Variants in MATN2 observed in about 807,000 individuals in gnomAD.
MATN2 encodes the protein matrilin 2.
In MATN2, 69 loss-of-function variants were observed where a neutral mutation model predicts 103.2. That is an observed-to-expected ratio of 0.67 (90% confidence interval 0.55 to 0.82). The LOEUF (loss-of-function observed/expected upper bound fraction) is 0.82, where lower values mean the gene tolerates loss of function less well. Among genes scored for constraint, MATN2 ranks in the 40% least tolerant of loss-of-function variants. MATN2 has a pLI of 0.00. For missense variants in MATN2, 1,023 were observed against 1,211.5 expected, an observed-to-expected ratio of 0.84 and a Z score of 2.31; for synonymous variants, 429 against 450.2, an observed-to-expected ratio of 0.95 and a Z score of 0.60.
intron 2 of MATN2, among the ~76,000 whole-genome samples, chr8:97,888,660 A>G (rs7835518): frequency 0.84 from 127,614 of 152,074 alleles, 54,436 homozygotes; most frequent in Non-Finnish European, 0.93. Flanking sequence ...GACATTGTGA[A>G]CTGAATCGAG....
chr8:97,915,733 C>T (rs1269532365), intron 2 of MATN2, among the ~76,000 whole-genome samples: 1 of 152,202 alleles, frequency 6.6e-6, no homozygotes, highest in Non-Finnish European at 1.5e-5. Context: ...AGTTAAAGTG[C>T]CCCTGTGGGT....
At chr8:97,965,189 A>G (rs966951167) in intron 5 of MATN2, among the ~76,000 whole-genome samples, 1 of 152,210 alleles carries the variant, frequency 6.6e-6, no homozygotes, top group East Asian at 1.9e-4. Flanking sequence ...TCCTGTATAC[A>G]TGAAGTAGGA....
chr8:97,940,152 A>C (rs1810505883), intron 3 of MATN2, among the ~76,000 whole-genome samples: 1 of 152,220 alleles, frequency 6.6e-6, no homozygotes, highest in African/African-American at 2.4e-5. Flanking sequence ...AGAAAATTGC[A>C]CAAAGGGCTG....
At chr8:97,988,286 A>C (rs1812274734) in intron 6 of MATN2, among the ~76,000 whole-genome samples, 1 of 150,746 alleles carries the variant, frequency 6.6e-6, no homozygotes, top group Non-Finnish European at 1.5e-5. Flanking sequence ...AACTTAGATG[A>C]AATGGACAAA....
chr8:97,959,016 C>G (rs898342066), intron 4 of MATN2, among the ~76,000 whole-genome samples: 1 of 152,208 alleles, frequency 6.6e-6, no homozygotes, highest in African/African-American at 2.4e-5. Context: ...TCCATACCTG[C>G]CAGCCTTTCC....
At chr8:97,971,612 C>G (rs749260530) in intron 5 of MATN2, among the ~76,000 whole-genome samples, 10 of 152,184 alleles carry the variant, frequency 6.6e-5, no homozygotes, top group South Asian at 2.1e-4. Context: ...GACCATTTAT[C>G]TAGATTTCTG....
intron 5 of MATN2, among the ~76,000 whole-genome samples, chr8:97,967,662 C>A (rs1342343725): frequency 6.6e-6 from 1 of 152,242 alleles, no homozygotes; most frequent in East Asian, 1.9e-4. Flanking sequence ...GGGGTGGGCC[C>A]CCAAGGCCTT....
chr8:97,892,143 A>G (rs55721551), intron 2 of MATN2, among the ~76,000 whole-genome samples: 3 of 151,918 alleles, frequency 2.0e-5, no homozygotes, highest in Non-Finnish European at 4.4e-5. Context: ...AGGCTGAGGC[A>G]GGAGAATCAC....
At chr8:97,987,908 T>A (rs1438471153) in intron 6 of MATN2, among the ~76,000 whole-genome samples, 4 of 151,360 alleles carry the variant, frequency 2.6e-5, no homozygotes, top group African/African-American at 9.7e-5. Context: ...TTTTAGAAGA[T>A]TAATAAAATT....
rs1050870732 is a variant in MATN2 at position 97,977,299 on chromosome 8, G to C, written c.959-1587G>C. 4.7e-5 allele frequency among the ~76,000 whole-genome samples: 7 copies of C among 150,208 alleles called. No individual in the cohort carries two copies. In the East Asian group the frequency reaches 5.9e-4, roughly 13 times the overall value. ...ATTTGATTCCCAATGTTGGAGGTGG[G>C]ACCTGCTGGAAAGTGTTTGGGTCGT... On this transcript the variant is annotated intron_variant, in intron 5 of 18. Coordinates refer to ENST00000254898, the MANE Select transcript of MATN2 (RefSeq NM_002380.5).
intron 2 of MATN2, among the ~76,000 whole-genome samples, chr8:97,907,875 C>T (rs1195318481): frequency 6.6e-6 from 1 of 152,048 alleles, no homozygotes; most frequent in African/African-American, 2.4e-5. Flanking sequence ...GTCACTTTGA[C>T]GCCTATAATC....
intron 3 of MATN2, among the ~76,000 whole-genome samples, chr8:97,933,893 A>G (rs895212592): frequency 3.9e-5 from 6 of 152,238 alleles, no homozygotes; most frequent in Admixed American, 1.3e-4. Context: ...AGTAACTAAC[A>G]TTTATAAAGC....
chr8:97,930,453 T>C (rs1810139337), intron 2 of MATN2: 1 of 153,036 alleles, frequency 6.5e-6, no homozygotes, highest in Non-Finnish European at 1.5e-5. Flanking sequence ...GATTGCTATC[T>C]GATTATAGCC....
At chr8:97,920,110 A>G (rs189720279) in intron 2 of MATN2, among the ~76,000 whole-genome samples, 77 of 152,310 alleles carry the variant, frequency 5.1e-4, no homozygotes, top group African/African-American at 1.7e-3. Flanking sequence ...AACATCAGCA[A>G]CCTTGCCATT....
intron 2 of MATN2, among the ~76,000 whole-genome samples, chr8:97,901,453 A>G (rs543207130): frequency 8.5e-5 from 13 of 152,254 alleles, no homozygotes; most frequent in Non-Finnish European, 4.4e-5. Context: ...GGGTTTCGCC[A>G]TGTTGGCCAG....
intron 1 of MATN2, among the ~76,000 whole-genome samples, chr8:97,884,764 G>A (rs12676628): frequency 0.018 from 2,779 of 151,852 alleles, 30 homozygotes; most frequent in East Asian, 0.042. Context: ...GCGAGACTCT[G>A]TCTCCAAATA....
chr8:97,924,562 G>A (rs749062663), intron 2 of MATN2, among the ~76,000 whole-genome samples: 3 of 151,800 alleles, frequency 2.0e-5, no homozygotes, highest in African/African-American at 4.8e-5. Flanking sequence ...CTCTCTTTCC[G>A]TCACACCTGT....
rs1354659753 is a variant in MATN2, at chr8:97,960,518, G to T, written c.836-890G>T. The stretch of plus-strand genomic sequence containing the variant: ...GCAATTCCATTCCTACGTTGCATGT[G>T]AATAAACAGGCAGAGCTTAGCACTT... On this transcript the variant is annotated intron_variant, in intron 4 of 18. Transcript: ENST00000254898. Among the ~76,000 whole-genome samples the T allele has an allele frequency of 3.3e-5, 5 of 152,304 alleles. No homozygotes were observed. The South Asian group carries it at 1.0e-3, about 32-fold the overall frequency.
At chr8:97,958,300 T>TG (rs1811201512) in intron 4 of MATN2, among the ~76,000 whole-genome samples, 1 of 152,184 alleles carries the variant, frequency 6.6e-6, no homozygotes, top group African/African-American at 2.4e-5. Flanking sequence ...CAGTAGAGAT[T>TG]GGGAGGACCC....
Sources: allele counts gnomAD v4.1 joint callset (sites outside exome capture counted in the v4.1 genomes callset), GRCh38; gene constraint gnomAD v4.1.1; transcripts MANE v1.5; gene names NCBI Gene and HGNC (gene_info 2026-07-23, HGNC 2026-07-21).